Variants in SNX27 observed in about 807,000 individuals in gnomAD.
SNX27 encodes the protein sorting nexin-27.
A neutral mutation model predicts 71.6 loss-of-function variants in SNX27; 22 were observed. The ratio of observed to expected loss-of-function variants is 0.31; its 90% CI spans 0.22 to 0.44. The LOEUF (loss-of-function observed/expected upper bound fraction) is 0.44, where lower values mean the gene tolerates loss of function less well. SNX27 is among the 20% of genes least tolerant of loss of function. SNX27 has a pLI of 1.00. For synonymous variants in SNX27, 269 were observed against 277.2 expected (o/e 0.97, Z 0.29); for missense variants, 531 against 698.6 (o/e 0.76, Z 2.70).
chr1:151,670,119 T>C (rs1670395065), intron 7 of SNX27, among the ~76,000 whole-genome samples: 1 of 152,178 alleles, frequency 6.6e-6, no homozygotes, highest in African/African-American at 2.4e-5. Context: ...ATTTTTACAG[T>C]CCACAAATAA....
intron 2 of SNX27, among the ~76,000 whole-genome samples, chr1:151,648,699 G>A (rs995928854): frequency 2.0e-5 from 3 of 151,948 alleles, no homozygotes. Flanking sequence ...GATTACAGGC[G>A]TGAGCCACCA....
At chr1:151,652,242 G>C (rs767671281) in intron 2 of SNX27, among the ~76,000 whole-genome samples, 54 of 141,304 alleles carry the variant, frequency 3.8e-4, no homozygotes, top group Admixed American at 5.6e-4. Flanking sequence ...GAGAGGGAGA[G>C]GGAGACGGAG....
At chr1:151,628,772 A>G (rs1668065591) in intron 1 of SNX27, among the ~76,000 whole-genome samples, 1 of 152,172 alleles carries the variant, frequency 6.6e-6, no homozygotes, top group African/African-American at 2.4e-5. Context: ...TGCCATCTGT[A>G]TATCTTCCTT....
chr1:151,642,215 C>T (rs942407362), intron 2 of SNX27, among the ~76,000 whole-genome samples: 7 of 151,432 alleles, frequency 4.6e-5, no homozygotes, highest in East Asian at 1.9e-4. Flanking sequence ...GGTGAAACCC[C>T]GTCTCTACTA....
intron 7 of SNX27, chr1:151,677,329 A>G (rs1250965322): frequency 6.6e-6 from 1 of 152,162 alleles, no homozygotes; most frequent in Non-Finnish European, 1.5e-5. Context: ...TGTTTTATCA[A>G]TGCCCCCTTA....
chr1:151,672,539 C>T (rs1355196813), intron 7 of SNX27, among the ~76,000 whole-genome samples: 2 of 151,996 alleles, frequency 1.3e-5, no homozygotes, highest in Non-Finnish European at 2.9e-5. Context: ...CTCCTCCTCT[C>T]TTTTTTTGAA....
chr1:151,622,141 T>C (rs969013969), intron 1 of SNX27, among the ~76,000 whole-genome samples: 2 of 152,254 alleles, frequency 1.3e-5, no homozygotes, highest in African/African-American at 4.8e-5. Flanking sequence ...CAAAATAAAT[T>C]GCTCAAATTT....
At chr1:151,639,391 TGA>T (rs1242979857) in intron 2 of SNX27, among the ~76,000 whole-genome samples, 1 of 152,200 alleles carries the variant, frequency 6.6e-6, no homozygotes, top group African/African-American at 2.4e-5. Flanking sequence ...CGTAAACGTG[TGA>T]GTTTTTGTTT....
In SNX27 at chr1:151,696,625, TCCCCTTCCTTCCTTCC is replaced by T. The variant is rs1671746538; in HGVS notation, c.*2209_*2224del. 6.7e-6 allele frequency: 1 copy of T among 149,694 alleles called. No homozygotes were observed. 9.3% of individuals were successfully genotyped at this position (149,694 alleles called of 1,614,324 possible). A position where few individuals can be genotyped will look rare whatever the true frequency, so the allele number is the denominator to read the frequency against. Reference sequence around the variant, plus strand: ...AAATCATTGTGAGGCCACTTTTCTTTCCCCTTCCTTCCTTCCTTTTTTTCTGTTTTTTTTTTTTTTT... The same window carrying T: ...AAATCATTGTGAGGCCACTTTTCTTTTTTTTTTCTGTTTTTTTTTTTTTTT... On this transcript the variant is annotated 3_prime_UTR_variant, in exon 12 of 12. Transcript: ENST00000458013.
intron 1 of SNX27, among the ~76,000 whole-genome samples, chr1:151,620,359 G>A (rs185703554): frequency 2.6e-5 from 4 of 152,222 alleles, no homozygotes; most frequent in South Asian, 2.1e-4. Context: ...TTTCCAAGGC[G>A]AAAGAGGAAA....
At chr1:151,692,850 C>T in intron 9 of SNX27, 61 bp from the exon 10 acceptor site, 4 of 1,608,300 alleles carry the variant, frequency 2.5e-6, no homozygotes, top group South Asian at 2.2e-5. Flanking sequence ...AACCCCCTAC[C>T]TCAGTTCCCC....
chr1:151,612,308 G>A lies in SNX27; in HGVS notation c.107G>A (p.Gly36Glu). 1.3e-6 allele frequency: 2 copies of A among 1,520,342 alleles called. No individual in the cohort carries two copies. The highest frequency in any genetic ancestry group is 1.8e-6 in the Non-Finnish European group (2 of 1,137,904). 94.2% of individuals were successfully genotyped at this position (1,520,342 alleles called of 1,614,324 possible). ...CTCCACTGCGCCGGGAACGGCGGCGGGGGAGGCGGCGGCCCGCGGGTCGTG... is the reference window on the plus strand; with the variant it reads ...CTCCACTGCGCCGGGAACGGCGGCGAGGGAGGCGGCGGCCCGCGGGTCGTG... Reference protein sequence around the residue: ...SGLHCAGNGGGGGGGPRVVRI... With the variant: ...SGLHCAGNGGEGGGGPRVVRI... Residue 36 changes from glycine (G) to glutamate (E), a missense_variant, in exon 1 of 12, where the codon GGG becomes GAG. This residue lies in a region of SNX27 where 130 missense variants were observed against 143.5 expected (regional missense o/e 0.91). Transcript: ENST00000458013. The surrounding 1 kb of genome is among the most constrained non-coding windows in gnomAD (Gnocchi z 5.2).
chr1:151,632,455 CA>C (rs1668284653), intron 1 of SNX27, among the ~76,000 whole-genome samples: 2 of 152,300 alleles, frequency 1.3e-5, no homozygotes, highest in South Asian at 4.1e-4. Context: ...CGCACCTGGA[CA>C]TGTTGCTGAG....
At chr1:151,625,743 C>A (rs1191206215) in intron 1 of SNX27, among the ~76,000 whole-genome samples, 1 of 149,722 alleles carries the variant, frequency 6.7e-6, no homozygotes, top group Non-Finnish European at 1.5e-5. Context: ...CGAGACCACA[C>A]CAGTGCACTC....
intron 1 of SNX27, among the ~76,000 whole-genome samples, chr1:151,624,384 C>A (rs1160709447): frequency 7.4e-6 from 1 of 135,634 alleles, no homozygotes; most frequent in Non-Finnish European, 1.6e-5. Flanking sequence ...AATAAATGAG[C>A]TTTTTTTTTC....
Position 151,666,090 on chromosome 1 carries a change from G to A in SNX27, c.985+79G>A, listed in dbSNP as rs886418222. 135 of 1,108,882 alleles carry A rather than the reference G, an allele frequency of 1.2e-4. No individual in the cohort carries two copies. In the Middle Eastern group the frequency reaches 1.3e-3, roughly 10 times the overall value. The allele number at this position is 1,108,882 out of a possible 1,614,324, so 68.7% of individuals were successfully genotyped here. On this transcript the variant is annotated intron_variant, in intron 6 of 11. Coordinates refer to ENST00000458013, the MANE Select transcript of SNX27 (RefSeq NM_001330723.2). The stretch of plus-strand genomic sequence containing the variant: ...ACATTTACCTAGAGAAGAGCTTGAA[G>A]ACAAGGGGAGATCCCACTCATTAGA...
chr1:151,626,754 A>G (rs541836210), intron 1 of SNX27, among the ~76,000 whole-genome samples: 6 of 152,322 alleles, frequency 3.9e-5, no homozygotes, highest in African/African-American at 1.4e-4. Context: ...GAAAACTTAA[A>G]TTGATTGAAA....
intron 1 of SNX27, among the ~76,000 whole-genome samples, 200 bp from the exon 2 acceptor site, chr1:151,638,688 A>G (rs1031359658): frequency 2.0e-5 from 3 of 151,862 alleles, no homozygotes; most frequent in Non-Finnish European, 4.4e-5. Flanking sequence ...ACCTCTTTCC[A>G]TTTTTCCCCC....
intron 7 of SNX27, among the ~76,000 whole-genome samples, chr1:151,669,769 TAGTA>T (rs1421610919): frequency 6.6e-6 from 1 of 152,208 alleles, no homozygotes; most frequent in Non-Finnish European, 1.5e-5. Context: ...TGTGGGTACA[TAGTA>T]GGTGTATATA....
Sources: gnomAD v4.1 joint callset for allele counts (sites outside exome capture counted in the v4.1 genomes callset) on GRCh38, gnomAD v4.1.1 for gene constraint, gnomAD v4.1.1 regional missense constraint, Gnocchi (gnomAD v3.1) non-coding constraint, MANE v1.5 for transcripts, NCBI Gene and HGNC (gene_info 2026-07-23, HGNC 2026-07-21) for gene names.